Variants in HS1BP3 observed in about 807,000 individuals in gnomAD.
The protein encoded by HS1BP3 is HCLS1-binding protein 3.
HS1BP3 carries 32 observed loss-of-function variants against 33.5 expected under a neutral mutation model. The observed-to-expected ratio is 0.95, with a 90% CI of 0.72 to 1.28. The LOEUF (loss-of-function observed/expected upper bound fraction) is 1.28, where lower values mean the gene tolerates loss of function less well. Ranked by LOEUF, HS1BP3 falls within the 50% of genes most tolerant of loss-of-function variation. HS1BP3 has a pLI of 0.00. For missense variants in HS1BP3, 486 were observed against 502.3 expected (o/e 0.97, Z 0.31); for synonymous variants, 187 against 209.2 (o/e 0.89, Z 0.92).
At chr2:20,641,995 G>C (rs1233876414) in intron 2 of HS1BP3, among the ~76,000 whole-genome samples, 1 of 152,222 alleles carries the variant, frequency 6.6e-6, no homozygotes, top group East Asian at 1.9e-4. Flanking sequence ...GCTCAGCGAA[G>C]TCACCTGCTG....
At chr2:20,558,025 C>T (rs559917142), downstream of HS1BP3, among the ~76,000 whole-genome samples, 3 of 152,350 alleles carry the variant, frequency 2.0e-5, no homozygotes, top group East Asian at 5.8e-4. Context: ...CCTCTCCCTC[C>T]AGACTTAGCA....
intron 2 of HS1BP3, among the ~76,000 whole-genome samples, chr2:20,643,730 C>CATAA (rs1695429913): frequency 6.6e-6 from 1 of 151,724 alleles, no homozygotes; most frequent in South Asian, 2.1e-4. Flanking sequence ...GAGTTTGAGA[C>CATAA]CAGCCTGGAC....
chr2:20,556,602 T>C (rs1348852496), downstream of HS1BP3, among the ~76,000 whole-genome samples: 3 of 152,190 alleles, frequency 2.0e-5, no homozygotes, highest in Non-Finnish European at 2.9e-5. Flanking sequence ...ACAAAAACAG[T>C]ACCAGGTTGG....
At chr2:20,607,696 T>C (rs1259354743) in intron 2 of HS1BP3, among the ~76,000 whole-genome samples, 1 of 152,248 alleles carries the variant, frequency 6.6e-6, no homozygotes, top group East Asian at 1.9e-4. Flanking sequence ...GTCCTCCAAC[T>C]TTGCTCTTCT....
intron 4 of HS1BP3, among the ~76,000 whole-genome samples, chr2:20,627,444 C>A (rs1336996307): frequency 1.3e-5 from 2 of 152,210 alleles, no homozygotes; most frequent in African/African-American, 2.4e-5. Context: ...ACAAGGGAAG[C>A]GAGAGAGAAC....
intron 2 of HS1BP3, among the ~76,000 whole-genome samples, chr2:20,642,245 G>A (rs144737636): frequency 6.6e-6 from 1 of 152,184 alleles, no homozygotes; most frequent in Non-Finnish European, 1.5e-5. Context: ...GGCATCTGAC[G>A]CCCTCGGGCT....
chr2:20,568,904 G>A (rs920882115), intron 5 of HS1BP3, among the ~76,000 whole-genome samples: 1 of 152,128 alleles, frequency 6.6e-6, no homozygotes, highest in African/African-American at 2.4e-5. Flanking sequence ...CTGCTGGCAA[G>A]GAGATTGCCC....
downstream of HS1BP3, among the ~76,000 whole-genome samples, chr2:20,558,635 G>T (rs576742581): frequency 1.3e-5 from 2 of 152,288 alleles, no homozygotes; most frequent in East Asian, 3.9e-4. Context: ...CAAGGGGGAG[G>T]CAAACCCACA....
At chr2:20,574,699 C>T (rs1249374664) in intron 5 of HS1BP3, among the ~76,000 whole-genome samples, 1 of 152,220 alleles carries the variant, frequency 6.6e-6, no homozygotes, top group African/African-American at 2.4e-5. Flanking sequence ...TGGCTTCCCC[C>T]AGCAGCACCC....
downstream of HS1BP3, among the ~76,000 whole-genome samples, chr2:20,556,475 A>C (rs76308684): frequency 0.7 from 107,020 of 151,944 alleles, 41,980 homozygotes; most frequent in Non-Finnish European, 0.86. Context: ...ATATATTATC[A>C]AATTCTTTTA....
At chr2:20,567,201 C>A (rs1263012184) in intron 5 of HS1BP3, among the ~76,000 whole-genome samples, 1 of 152,058 alleles carries the variant, frequency 6.6e-6, no homozygotes, top group Non-Finnish European at 1.5e-5. Context: ...AAGGTCACAT[C>A]CTTAGTAAGT....
At chr2:20,587,476 T>C (rs1414212465) in intron 5 of HS1BP3, among the ~76,000 whole-genome samples, 1 of 151,998 alleles carries the variant, frequency 6.6e-6, no homozygotes, top group African/African-American at 2.4e-5. Context: ...AGGGTAGAGG[T>C]GAGGCTGGGA....
chr2:20,563,347 A>T (rs1693048927), intron 5 of HS1BP3, among the ~76,000 whole-genome samples: 1 of 152,204 alleles, frequency 6.6e-6, no homozygotes, highest in African/African-American at 2.4e-5. Context: ...AGTGCAGGCC[A>T]CTGCACAGTG....
chr2:20,624,019 A>G lies in HS1BP3; in HGVS notation c.797T>C (p.Phe266Ser), dbSNP rs760202439. 5.0e-6 allele frequency: 8 copies of G among 1,611,976 alleles called. No homozygotes were observed. Among genetic ancestry groups the G allele is most frequent in the Non-Finnish European group, 6.8e-6 (8 of 1,179,740 alleles). Residue 266 changes from phenylalanine to serine, a missense_variant, in exon 6 of 7, where the codon TTT (phenylalanine) becomes TCT (serine). Coordinates refer to ENST00000304031, the MANE Select transcript of HS1BP3 (RefSeq NM_022460.4). ...GGCCCCGCCGAGGTCAGGATCATCAAATAGCTTCAGGGCTGTGGGAAGGCA... is the reference window on the plus strand; with the variant it reads ...GGCCCCGCCGAGGTCAGGATCATCAGATAGCTTCAGGGCTGTGGGAAGGCA... Reference protein sequence around the residue: ...DVSSVDPLKLFDDPDLGGAIP... With the variant: ...DVSSVDPLKLSDDPDLGGAIP...
At chr2:20,590,309 C>T (rs576795632), downstream of HS1BP3, among the ~76,000 whole-genome samples, 1 of 152,322 alleles carries the variant, frequency 6.6e-6, no homozygotes, top group East Asian at 1.9e-4. Context: ...CTCTACCCAG[C>T]CTTCCAGGGT....
At chr2:20,568,264 A>G (rs1005090676) in intron 5 of HS1BP3, among the ~76,000 whole-genome samples, 2 of 152,084 alleles carry the variant, frequency 1.3e-5, no homozygotes, top group African/African-American at 4.8e-5. Context: ...AATGACTTAG[A>G]GGAGGGCGGG....
intron 5 of HS1BP3, among the ~76,000 whole-genome samples, chr2:20,568,329 T>C: frequency 6.6e-6 from 1 of 151,896 alleles, no homozygotes; most frequent in South Asian, 2.1e-4. Flanking sequence ...GAGCAGCAAG[T>C]GCAGAAACCC....
downstream of HS1BP3, among the ~76,000 whole-genome samples, chr2:20,613,612 G>A (rs1694356994): frequency 6.6e-6 from 1 of 152,258 alleles, no homozygotes; most frequent in Admixed American, 6.5e-5. Flanking sequence ...ATTTAATAAA[G>A]AGATCCAGCT....
At chr2:20,628,988 T>C (rs934601) in intron 4 of HS1BP3, among the ~76,000 whole-genome samples, 61,690 of 151,918 alleles carry the variant, frequency 0.41, 13,147 homozygotes, top group East Asian at 0.73. Flanking sequence ...ATAGAAGAAA[T>C]GACCAGAGCC....
Sources: allele counts gnomAD v4.1 joint callset (sites outside exome capture counted in the v4.1 genomes callset), GRCh38; gene constraint gnomAD v4.1.1; transcripts MANE v1.5; gene names NCBI Gene and HGNC (gene_info 2026-07-23, HGNC 2026-07-21).